Variants in MAP3K20 observed in about 807,000 individuals in gnomAD.
MAP3K20 encodes the protein HCCS-4.
In MAP3K20, 40 loss-of-function variants were observed where a neutral mutation model predicts 85.7. The observed-to-expected ratio is 0.47, with a 90% CI of 0.36 to 0.61. The LOEUF (loss-of-function observed/expected upper bound fraction) is 0.61. Among genes scored for constraint, MAP3K20 ranks in the 20% least tolerant of loss-of-function variants. The probability of loss-of-function intolerance (pLI) is 0.00; values close to 1 mark genes in which losing one functional copy is unlikely to be tolerated. For synonymous variants in MAP3K20, 325 were observed against 327.7 expected (o/e 0.99, Z 0.09); for missense variants, 817 against 961.7 (o/e 0.85, Z 1.99).
At chr2:173,091,301 ACTGATCCACGAGGC>A in intron 2 of MAP3K20, 111 bp downstream of exon 2, 1 of 1,094,336 alleles carries the variant, frequency 9.1e-7, no homozygotes, top group Non-Finnish European at 1.3e-6. Context: ...GGCCTTTGGG[ACTGATCCACGAGGC>A]CGTTTCCCAA....
At chr2:173,206,887 T>C (rs904741175) in intron 9 of MAP3K20, among the ~76,000 whole-genome samples, 1 of 152,076 alleles carries the variant, frequency 6.6e-6, no homozygotes, top group Non-Finnish European at 1.5e-5. Flanking sequence ...AACCAGAAGT[T>C]AGTGCCAGTC....
At position 173,266,797 on chromosome 2, in the gene MAP3K20, AAAAG is replaced by A. The variant is rs1553470343; in HGVS notation, c.*51_*54del. On this transcript the variant is annotated 3_prime_UTR_variant, in exon 20 of 20. Transcript: ENST00000375213. ...TCTAAGCAGGTTAAAAAAAAAAAAA[AAAAG>A]AAATGTAATGGTTTTTGATAATATG... The A allele has an allele frequency of 6.1e-5, 82 of 1,353,936 alleles. No homozygotes were observed. In the South Asian group the frequency reaches 1.4e-3, roughly 23 times the overall value. The allele number at this position is 1,353,936 out of a possible 1,614,324, so 83.9% of individuals were successfully genotyped here. A position where few individuals can be genotyped will look rare whatever the true frequency, so the allele number is the denominator to read the frequency against.
At chr2:173,098,321 A>G (rs1413615932) in intron 2 of MAP3K20, among the ~76,000 whole-genome samples, 1 of 152,200 alleles carries the variant, frequency 6.6e-6, no homozygotes, top group Non-Finnish European at 1.5e-5. Flanking sequence ...GAGTATCCCT[A>G]ATCTGAAAAT....
intron 2 of MAP3K20, among the ~76,000 whole-genome samples, chr2:173,151,542 T>A (rs1025551532): frequency 6.6e-6 from 1 of 152,222 alleles, no homozygotes; most frequent in Non-Finnish European, 1.5e-5. Flanking sequence ...CTACTAAATA[T>A]GTTAGAACAT....
intron 2 of MAP3K20, among the ~76,000 whole-genome samples, chr2:173,134,429 T>TA (rs1553568231): frequency 1.6e-3 from 16 of 9,720 alleles, no homozygotes; most frequent in African/African-American, 5.4e-3. Flanking sequence ...TATATATATA[T>TA]TTTTTTTTTT....
chr2:173,199,984 A>G (rs1443913339), intron 8 of MAP3K20, among the ~76,000 whole-genome samples: 1 of 152,168 alleles, frequency 6.6e-6, no homozygotes, highest in Non-Finnish European at 1.5e-5. Context: ...AGAGTTTACT[A>G]TTTTATTCAT....
chr2:173,094,459 C>T (rs1687400150), intron 2 of MAP3K20, among the ~76,000 whole-genome samples: 1 of 152,116 alleles, frequency 6.6e-6, no homozygotes, highest in Non-Finnish European at 1.5e-5. Context: ...TCACATTTTG[C>T]CAACTTTTGC....
At chr2:173,216,131 G>A (rs746106957) in intron 10 of MAP3K20, among the ~76,000 whole-genome samples, 9 of 152,106 alleles carry the variant, frequency 5.9e-5, no homozygotes, top group Non-Finnish European at 1.2e-4. Flanking sequence ...AGAAACTCAA[G>A]GGAAAGAGCT....
intron 2 of MAP3K20, among the ~76,000 whole-genome samples, chr2:173,131,956 C>A (rs1205245792): frequency 6.6e-6 from 1 of 152,176 alleles, no homozygotes; most frequent in Non-Finnish European, 1.5e-5. Context: ...TCATCCCTAA[C>A]TCTCCCCAGA....
rs1001332354 is a variant in MAP3K20 at position 173,080,236 on chromosome 2, T to C, written c.-35+4234T>C. On this transcript the variant is annotated intron_variant, in intron 1 of 19. Transcript: ENST00000375213. ...GTGCATGACTTTATGAGAAAGCACA[T>C]AGAAATGCTTGTAACAGTGCCTGAA... Among the ~76,000 whole-genome samples, 3 of 152,336 alleles carry C rather than the reference T, an allele frequency of 2.0e-5. No homozygotes were observed. The South Asian group carries it at 6.2e-4, about 32-fold the overall frequency.
chr2:173,092,812 A>C (rs2106149954), intron 2 of MAP3K20, among the ~76,000 whole-genome samples: 1 of 152,280 alleles, frequency 6.6e-6, no homozygotes, highest in Non-Finnish European at 1.5e-5. Context: ...ATACCTACAT[A>C]ATACCTTTTC....
At chr2:173,126,054 G>T (rs1688434154) in intron 2 of MAP3K20, among the ~76,000 whole-genome samples, 1 of 152,110 alleles carries the variant, frequency 6.6e-6, no homozygotes, top group Non-Finnish European at 1.5e-5. Context: ...TATACCACTA[G>T]AATGATTAAA....
intron 9 of MAP3K20, among the ~76,000 whole-genome samples, chr2:173,206,208 C>T (rs1574109083): frequency 6.6e-6 from 1 of 152,098 alleles, no homozygotes; most frequent in East Asian, 1.9e-4. Context: ...CACTCAGTAC[C>T]ACATTAATTA....
At chr2:173,229,269 C>G (rs910663469) in intron 11 of MAP3K20, among the ~76,000 whole-genome samples, 2 of 152,216 alleles carry the variant, frequency 1.3e-5, no homozygotes, top group Non-Finnish European at 2.9e-5. Flanking sequence ...GAAATTCCCC[C>G]TTGAGAACAG....
intron 3 of MAP3K20, among the ~76,000 whole-genome samples, chr2:173,170,321 A>G (rs1028768526): frequency 6.6e-6 from 1 of 152,194 alleles, no homozygotes; most frequent in Non-Finnish European, 1.5e-5. Flanking sequence ...TCTCTGACAT[A>G]AGAACAATAT....
At chr2:173,214,687 T>C (rs1053894746) in intron 10 of MAP3K20, among the ~76,000 whole-genome samples, 1 of 152,218 alleles carries the variant, frequency 6.6e-6, no homozygotes, top group Non-Finnish European at 1.5e-5. Context: ...TCATTGCCTG[T>C]TTTTGGCATA....
intron 1 of MAP3K20, among the ~76,000 whole-genome samples, chr2:173,083,438 C>T (rs1240871188): frequency 1.3e-5 from 2 of 152,028 alleles, no homozygotes; most frequent in Non-Finnish European, 2.9e-5. Context: ...ACTGCAGCCT[C>T]GACCTCCTGG....
At position 173,249,126 on chromosome 2, in the gene MAP3K20, G is replaced by C. The variant is rs148460076; in HGVS notation, c.1360-9573G>C. Among the ~76,000 whole-genome samples the C allele has an allele frequency of 5.6e-3, 854 of 152,278 alleles. 5 individuals are homozygous for C. Among genetic ancestry groups the C allele is most frequent in the Middle Eastern group, 0.027 (8 of 292 alleles). On this transcript the variant is annotated intron_variant, in intron 16 of 19. Transcript: ENST00000375213. ...TAGTTTGGAAACAGAAAAACAAAAT[G>C]TAAGTTTGTGACTGTCTTTAAAAAA...
rs549259767 is a variant in MAP3K20, at chr2:173,088,082, A to G, written c.-34-2916A>G. On this transcript the variant is annotated intron_variant, in intron 1 of 19. Coordinates refer to ENST00000375213, the MANE Select transcript of MAP3K20 (RefSeq NM_016653.3). ...AACCAAAGAGTGAAAAAAAAGAGAA[A>G]TTACTTGTTTTAATTTTATTGAGAG... is the stretch of plus-strand genomic sequence containing the variant. 2.0e-4 allele frequency among the ~76,000 whole-genome samples: 30 copies of G among 152,314 alleles called. No individual in the cohort carries two copies. In the East Asian group the frequency reaches 5.6e-3, roughly 28 times the overall value.
Sources: gnomAD v4.1 joint callset for allele counts (sites outside exome capture counted in the v4.1 genomes callset) on GRCh38, gnomAD v4.1.1 for gene constraint, MANE v1.5 for transcripts, NCBI Gene and HGNC (gene_info 2026-07-23, HGNC 2026-07-21) for gene names.